BICC1: variants seen among roughly 807,000 people sequenced by gnomAD.
The protein encoded by BICC1 is BicC family RNA binding protein 1.
In BICC1, 43 loss-of-function variants were observed where a neutral mutation model predicts 111.0. That is an observed-to-expected ratio of 0.39 (90% CI 0.30 to 0.50). The LOEUF is 0.50. Ranked by LOEUF, BICC1 falls within the 20% of genes least tolerant of loss-of-function variation. The pLI is 0.88. For synonymous variants in BICC1, 467 were observed against 434.4 expected (o/e 1.07, Z -0.93); for missense variants, 1,091 against 1,203.2 (o/e 0.91, Z 1.38).
intron 3 of BICC1, among the ~76,000 whole-genome samples, chr10:58,727,247 T>G (rs2132543144): frequency 6.6e-6 from 1 of 152,276 alleles, no homozygotes; most frequent in Non-Finnish European, 1.5e-5. Context: ...TTGAGAAAAC[T>G]TAGTGCATAT....
chr10:58,808,075 C>CTTTTT (rs112775737), intron 17 of BICC1, among the ~76,000 whole-genome samples: 146 of 142,744 alleles, frequency 1.0e-3, no homozygotes, highest in African/African-American at 3.5e-3. Flanking sequence ...AAACATGCTG[C>CTTTTT]TTTTTTTTTT....
At position 58,808,407 on chromosome 10, in the gene BICC1, C is replaced by T. The variant is rs192241584; in HGVS notation, c.2376+1249C>T. 1.2e-3 allele frequency among the ~76,000 whole-genome samples: 176 copies of T among 152,254 alleles called. 2 individuals are homozygous for T. The highest frequency in any genetic ancestry group is 4.0e-3 in the African/African-American group (166 of 41,562). On this transcript the variant is annotated intron_variant, in intron 17 of 20. Coordinates refer to ENST00000373886, the MANE Select transcript of BICC1 (RefSeq NM_001080512.3). ...CCTTTCAGCCCATCCTTGCTTTTGA[C>T]GGAGTGAAGTGTGCCAGATTGTTGA...
At chr10:58,528,464 G>A (rs910853891) in intron 1 of BICC1, among the ~76,000 whole-genome samples, 1 of 151,734 alleles carries the variant, frequency 6.6e-6, no homozygotes, top group Admixed American at 6.6e-5. Context: ...TTTCATTGCC[G>A]ACACTGAATT....
chr10:58,555,008 A>G (rs760043781), intron 1 of BICC1, among the ~76,000 whole-genome samples: 5 of 151,970 alleles, frequency 3.3e-5, no homozygotes, highest in African/African-American at 4.8e-5. Context: ...TTAAATTTGT[A>G]ATGTCCAGGT....
At chr10:58,806,939 C>T in intron 16 of BICC1, 65 bp from the exon 17 acceptor site, 1 of 1,408,924 alleles carries the variant, frequency 7.1e-7, no homozygotes, top group Admixed American at 2.1e-5. Context: ...CGACACTTAT[C>T]ATCAGTATTT....
At position 58,789,748 on chromosome 10, in the gene BICC1, C is replaced by G. The variant is rs776671241; in HGVS notation, c.862C>G (p.Gln288Glu). 9 of 1,613,972 alleles carry G rather than the reference C, an allele frequency of 5.6e-6. No individual in the cohort carries two copies. The highest frequency in any genetic ancestry group is 1.6e-4 in the Middle Eastern group (1 of 6,084). ...SLASAIPVST[Q>E]LDIAAQHHLF... ...AGCATCAGCTATTCCTGTGAGCACACAACTAGATATTGCAGCTCAACATCA... is the reference window on the plus strand; with the variant it reads ...AGCATCAGCTATTCCTGTGAGCACAGAACTAGATATTGCAGCTCAACATCA... The change falls in exon 8 of 21, where the codon CAA becomes GAA. Residue 288 changes from glutamine to glutamate, a missense_variant. Gln to Glu is a conservative substitution (Grantham distance 29, BLOSUM62 2). Transcript: ENST00000373886.
intron 1 of BICC1, among the ~76,000 whole-genome samples, chr10:58,565,412 G>A (rs1004399852): frequency 6.6e-6 from 1 of 152,076 alleles, no homozygotes; most frequent in African/African-American, 2.4e-5. Flanking sequence ...CAGAGGAGCT[G>A]GTCAGTCAAA....
intron 1 of BICC1, among the ~76,000 whole-genome samples, chr10:58,538,870 G>GC (rs1271938394): frequency 2.0e-5 from 3 of 151,432 alleles, no homozygotes; most frequent in African/African-American, 7.3e-5. Flanking sequence ...AAGTTAAAAC[G>GC]CAACAAGATA....
At chr10:58,700,276 A>C (rs2132444074) in intron 2 of BICC1, among the ~76,000 whole-genome samples, 1 of 152,292 alleles carries the variant, frequency 6.6e-6, no homozygotes, top group Admixed American at 6.5e-5. Flanking sequence ...TCTGAGCATG[A>C]GAAGGGGCTG....
rs142349970 is a variant in BICC1 at position 58,660,023 on chromosome 10, T to C, written c.237+39122T>C. On this transcript the variant is annotated intron_variant, in intron 2 of 20. Coordinates refer to ENST00000373886, the MANE Select transcript of BICC1 (RefSeq NM_001080512.3). ...CTCTGAGAGTTCTCTCTGAATTGCC[T>C]AAACAATGAGCTAGTTAGCACTGGG... Among the ~76,000 whole-genome samples, 641 of 152,284 alleles carry C rather than the reference T, an allele frequency of 4.2e-3. 4 individuals are homozygous for C. Among genetic ancestry groups the C allele is most frequent in the African/African-American group, 0.015 (614 of 41,554 alleles).
At chr10:58,619,827 G>A (rs1845741731) in intron 1 of BICC1, among the ~76,000 whole-genome samples, 1 of 152,174 alleles carries the variant, frequency 6.6e-6, no homozygotes, top group African/African-American at 2.4e-5. Context: ...TGATTGCTCT[G>A]CCACATTTCT....
chr10:58,736,569 T>A (rs1841475213), intron 3 of BICC1, among the ~76,000 whole-genome samples: 1 of 152,228 alleles, frequency 6.6e-6, no homozygotes, highest in South Asian at 2.1e-4. Context: ...ACTCATTTCA[T>A]GAGATTTAAG....
rs1213622432 is a variant in BICC1 at position 58,829,193 on chromosome 10, T to A, written c.*302T>A. Reference sequence around the variant, plus strand: ...CCTATATAACATATGCACTGATGATTTTTTTTTTTTTTTTTTTTTTTTTTT... The same window carrying A: ...CCTATATAACATATGCACTGATGATATTTTTTTTTTTTTTTTTTTTTTTTT... On this transcript the variant is annotated 3_prime_UTR_variant, in exon 21 of 21. Coordinates refer to ENST00000373886, the MANE Select transcript of BICC1 (RefSeq NM_001080512.3). 5.0e-5 allele frequency: 4 copies of A among 80,696 alleles called. No individual in the cohort carries two copies. Among genetic ancestry groups the A allele is most frequent in the Admixed American group, 3.4e-4 (3 of 8,744 alleles). 5.0% of individuals were successfully genotyped at this position (80,696 alleles called of 1,614,324 possible).
At chr10:58,638,881 TCTTCTCTTTTTTC>T (rs1838033733) in intron 2 of BICC1, among the ~76,000 whole-genome samples, 1 of 148,204 alleles carries the variant, frequency 6.7e-6, no homozygotes, top group South Asian at 2.2e-4. Context: ...CTCTTTTTTC[TCTTCTCTTTTTTC>T]TTTTCTTTTC....
chr10:58,756,238 G>T (rs1842140778), intron 3 of BICC1, among the ~76,000 whole-genome samples: 1 of 151,484 alleles, frequency 6.6e-6, no homozygotes, highest in South Asian at 2.1e-4. Flanking sequence ...CAGCCAACCA[G>T]CTGGAAAGGC....
chr10:58,822,893 T>C (rs982798684), intron 20 of BICC1, among the ~76,000 whole-genome samples: 2 of 152,168 alleles, frequency 1.3e-5, no homozygotes, highest in Non-Finnish European at 2.9e-5. Flanking sequence ...TGCTTAAAAT[T>C]CCTTTTTAAA....
At chr10:58,536,320 G>A (rs1842825647) in intron 1 of BICC1, among the ~76,000 whole-genome samples, 1 of 151,678 alleles carries the variant, frequency 6.6e-6, no homozygotes. Context: ...TAGATCATAT[G>A]TAAGCTGCAA....
At chr10:58,750,951 C>T (rs905636163) in intron 3 of BICC1, among the ~76,000 whole-genome samples, 6 of 152,138 alleles carry the variant, frequency 3.9e-5, no homozygotes, top group Non-Finnish European at 7.4e-5. Context: ...CTTTTGCATC[C>T]CAAGCTTTGT....
chr10:58,672,721 G>A (rs1367858762), intron 2 of BICC1, among the ~76,000 whole-genome samples: 1 of 152,086 alleles, frequency 6.6e-6, no homozygotes, highest in African/African-American at 2.4e-5. Flanking sequence ...CACTCACCTT[G>A]TTTTATAAAT....
Sources: allele counts gnomAD v4.1 joint callset (sites outside exome capture counted in the v4.1 genomes callset), GRCh38; gene constraint gnomAD v4.1.1; transcripts MANE v1.5; gene names NCBI Gene and HGNC (gene_info 2026-07-23, HGNC 2026-07-21).